AARD: variants seen among roughly 807,000 people sequenced by gnomAD.
AARD encodes the protein alanine and arginine rich domain containing protein.
AARD carries 9 observed loss-of-function variants against 9.3 expected under a neutral mutation model. The observed-to-expected ratio is 0.97, with a 90% CI of 0.58 to 1.69. The LOEUF (loss-of-function observed/expected upper bound fraction) is 1.69, where lower values mean the gene tolerates loss of function less well. Among genes scored for constraint, AARD ranks in the 40% most tolerant of loss-of-function variants. AARD has a pLI of 0.00. For missense variants in AARD, 236 were observed against 210.3 expected (o/e 1.12, Z -0.76); for synonymous variants, 91 against 93.8 (o/e 0.97, Z 0.17).
rs1813773847 is a variant in AARD at position 116,943,696 on chromosome 8, G to A, written c.*995G>A. The A allele has an allele frequency of 6.6e-6, 1 of 151,496 alleles. No homozygotes were observed. The highest frequency in any genetic ancestry group is 2.4e-5 in the African/African-American group (1 of 41,208). The allele number at this position is 151,496 out of a possible 1,614,324, so 9.4% of individuals were successfully genotyped here. ...AACGGAACCACTAAAAGCACAAAAG[G>A]GGAGGGAGGGAGGGAGGGTGCTTCG... On this transcript the variant is annotated 3_prime_UTR_variant, in exon 2 of 2. Transcript: ENST00000378279.
At position 116,943,282 on chromosome 8, in the gene AARD, C is replaced by G. The variant is rs552164581; in HGVS notation, c.*581C>G. The G allele has an allele frequency of 6.6e-6, 1 of 152,310 alleles. No homozygotes were observed. The highest frequency in any genetic ancestry group is 1.9e-4 in the East Asian group (1 of 5,180). 9.4% of individuals were successfully genotyped at this position (152,310 alleles called of 1,614,324 possible). A position where few individuals can be genotyped will look rare whatever the true frequency, so the allele number is the denominator to read the frequency against. ...TAAATCTCTCTCTGTCTCTCTCACT[C>G]AAAGAATGCTTTAATGCCAACTTTC... On this transcript the variant is annotated 3_prime_UTR_variant, in exon 2 of 2. Transcript: ENST00000378279.
In AARD at chr8:116,942,577, A is replaced by G; in HGVS notation, c.344A>G (p.Asn115Ser). 1 of 1,612,774 alleles carries G rather than the reference A, an allele frequency of 6.2e-7. No individual in the cohort carries two copies. The highest frequency in any genetic ancestry group is 1.1e-5 in the South Asian group (1 of 90,804). The change falls in exon 2 of 2, where the codon AAC becomes AGC. Residue 115 changes from asparagine to serine, a missense_variant. Coordinates refer to ENST00000378279, the MANE Select transcript of AARD (RefSeq NM_001025357.3). ...TTTTAGGTGGAAATGCATTTCCAAA[A>G]CCACCAGCTGGCTAGAACTTTACTG... ...RAELVEMHFQ[N>S]HQLARTLLDL...
In AARD at chr8:116,941,032, GTTAA is replaced by G. The variant is rs559492993; in HGVS notation, c.325-1507_325-1504del. 3.6e-3 allele frequency among the ~76,000 whole-genome samples: 551 copies of G among 152,192 alleles called. 2 individuals are homozygous for G. The highest frequency in any genetic ancestry group is 0.012 in the African/African-American group (518 of 41,502). The stretch of plus-strand genomic sequence containing the variant: ...GAAAGTACAGGACGGATATTCATCA[GTTAA>G]TTAATTAATTAATTAATTCACTCAC... On this transcript the variant is annotated intron_variant, in intron 1 of 1. Coordinates refer to ENST00000378279, the MANE Select transcript of AARD (RefSeq NM_001025357.3).
intron 1 of AARD, among the ~76,000 whole-genome samples, chr8:116,939,546 C>T (rs1452194802): frequency 2.6e-5 from 4 of 152,104 alleles, no homozygotes; most frequent in Non-Finnish European, 5.9e-5. Flanking sequence ...GCAGGAGAAT[C>T]GCTTGAACCT....
intron 1 of AARD, 50 bp downstream of exon 1, chr8:116,938,617 C>G: frequency 7.2e-7 from 1 of 1,384,750 alleles, no homozygotes; most frequent in Non-Finnish European, 9.3e-7. Context: ...TCTCCCGGGT[C>G]CTCTCCTCCA....
chr8:116,942,608 A>G lies in AARD; in HGVS notation c.375A>G (p.Leu125=), dbSNP rs763262644. ...NHQLARTLLD[L]NMKVQQLKKE... ...AGCTGGCTAGAACTTTACTGGACCT[A>G]AACATGAAAGTGCAGCAATTGAAAA... Residue 125 remains leucine (L), a synonymous_variant, in exon 2 of 2, where the codon CTA becomes CTG. Transcript: ENST00000378279. The G allele has an allele frequency of 2.5e-6, 4 of 1,613,922 alleles. No individual in the cohort carries two copies. The highest frequency in any genetic ancestry group is 3.4e-6 in the Non-Finnish European group (4 of 1,179,998).
Position 116,938,562 on chromosome 8 carries a change from G to C in AARD, c.319G>C (p.Glu107Gln). 7.0e-7 allele frequency: 1 copy of C among 1,420,924 alleles called. No homozygotes were observed. Among genetic ancestry groups the C allele is most frequent in the Non-Finnish European group, 9.1e-7 (1 of 1,098,630 alleles). The allele number at this position is 1,420,924 out of a possible 1,614,324, so 88.0% of individuals were successfully genotyped here. A position where few individuals can be genotyped will look rare whatever the true frequency, so the allele number is the denominator to read the frequency against. The stretch of plus-strand genomic sequence containing the variant: ...GGCCACCCTGGCCAGGCTGCGGGCG[G>C]AGCTGGTGAGAGAGCGGGCTAGGCG... Reference protein sequence around the residue: ...VEATLARLRAELVEMHFQNHQ... With the variant: ...VEATLARLRAQLVEMHFQNHQ... The change falls in exon 1 of 2, where the codon GAG becomes CAG. Residue 107 changes from glutamate (E) to glutamine (Q), a missense_variant. Physicochemically the swap from Glu to Gln is conservative, Grantham distance 29. Transcript: ENST00000378279.
intron 1 of AARD, among the ~76,000 whole-genome samples, chr8:116,941,972 A>G (rs977979853): frequency 6.6e-6 from 1 of 152,184 alleles, no homozygotes; most frequent in African/African-American, 2.4e-5. Context: ...ATAAACTCCC[A>G]TTGAAGGATG....
rs980571978 is a variant in AARD, at chr8:116,943,840, G to T, written c.*1139G>T. 1 of 152,146 alleles carries T rather than the reference G, an allele frequency of 6.6e-6. No individual in the cohort carries two copies. The highest frequency in any genetic ancestry group is 2.4e-5 in the African/African-American group (1 of 41,426). 9.4% of individuals were successfully genotyped at this position (152,146 alleles called of 1,614,324 possible). A position where few individuals can be genotyped will look rare whatever the true frequency, so the allele number is the denominator to read the frequency against. On this transcript the variant is annotated 3_prime_UTR_variant, in exon 2 of 2. Transcript: ENST00000378279. ...TTTTTGCCTAAGTAAATTCAAGCTG[G>T]AGTTTCATGACTTGTATCTAGTGTT...
In AARD at chr8:116,942,685, C is replaced by A. The variant is rs1813758973; in HGVS notation, c.452C>A (p.Ala151Asp). ...GACTCCCAAAGCCCAAAAGATGATGCTGCGAATCCGGAATAAAGAAATGCA... is the reference window on the plus strand; with the variant it reads ...GACTCCCAAAGCCCAAAAGATGATGATGCGAATCCGGAATAAAGAAATGCA... ...TSDSQSPKDD[A>D]ANPE The change falls in exon 2 of 2, where the codon GCT becomes GAT. Residue 151 changes from alanine (A) to aspartate (D), a missense_variant. Physicochemically the swap from Ala to Asp is moderately radical, Grantham distance 126. Transcript: ENST00000378279. 1 of 1,613,528 alleles carries A rather than the reference C, an allele frequency of 6.2e-7. No homozygotes were observed. Among genetic ancestry groups the A allele is most frequent in the Non-Finnish European group, 8.5e-7 (1 of 1,179,914 alleles).
chr8:116,940,195 C>T (rs1813728512), intron 1 of AARD, among the ~76,000 whole-genome samples: 1 of 152,092 alleles, frequency 6.6e-6, no homozygotes, highest in African/African-American at 2.4e-5. Context: ...ACTTTGGGAT[C>T]GTTACTTAGC....
In AARD at chr8:116,939,518, A is replaced by G. The variant is rs139838172; in HGVS notation, c.324+951A>G. On this transcript the variant is annotated intron_variant, in intron 1 of 1. Coordinates refer to ENST00000378279, the MANE Select transcript of AARD (RefSeq NM_001025357.3). ...ATGGTGGCTGGCACCTGTAATCCCAACTACTCCAGAGGCTGATGCAGGAGA... is the reference window on the plus strand; with the variant it reads ...ATGGTGGCTGGCACCTGTAATCCCAGCTACTCCAGAGGCTGATGCAGGAGA... Among the ~76,000 whole-genome samples, 457 of 152,156 alleles carry G rather than the reference A, an allele frequency of 3.0e-3. 1 individual carries two copies. Among genetic ancestry groups the G allele is most frequent in the African/African-American group, 0.011 (440 of 41,528 alleles).
At position 116,943,940 on chromosome 8, in the gene AARD, C is replaced by T. The variant is rs530040032; in HGVS notation, c.*1239C>T. Reference sequence around the variant, plus strand: ...TTGAATTGGACTATCTAACTGTACCCGAAAAGTGCTGTCTTTTTAATGCAA... The same window carrying T: ...TTGAATTGGACTATCTAACTGTACCTGAAAAGTGCTGTCTTTTTAATGCAA... On this transcript the variant is annotated 3_prime_UTR_variant, in exon 2 of 2. Coordinates refer to ENST00000378279, the MANE Select transcript of AARD (RefSeq NM_001025357.3). The T allele has an allele frequency of 2.4e-4, 36 of 151,826 alleles. No homozygotes were observed. Among genetic ancestry groups the T allele is most frequent in the African/African-American group, 6.8e-4 (28 of 41,340 alleles). 9.4% of individuals were successfully genotyped at this position (151,826 alleles called of 1,614,324 possible).
chr8:116,938,622 C>A (rs1328325255), intron 1 of AARD, 55 bp downstream of exon 1: 1 of 1,382,060 alleles, frequency 7.2e-7, no homozygotes, highest in Non-Finnish European at 9.3e-7. Context: ...CGGGTCCTCT[C>A]CTCCAGCTGC....
rs939683578 is a variant in AARD at position 116,938,492 on chromosome 8, G to A, written c.249G>A (p.Ala83=). 3 of 1,535,464 alleles carry A rather than the reference G, an allele frequency of 2.0e-6. No homozygotes were observed. Among genetic ancestry groups the A allele is most frequent in the South Asian group, 2.4e-5 (2 of 82,494 alleles). Residue 83 remains alanine (A), a synonymous_variant, in exon 1 of 2, where the codon GCG becomes GCA. Coordinates refer to ENST00000378279, the MANE Select transcript of AARD (RefSeq NM_001025357.3). ...RAISRRVQEA[A]AAAAAREEQS... ...TCTCGAGGCGCGTGCAGGAGGCGGC[G>A]GCGGCGGCGGCGGCGCGGGAGGAGC...
In AARD at chr8:116,938,577, C is replaced by A; in HGVS notation, c.324+10C>A. ...GCTGCGGGCGGAGCTGGTGAGAGAG[C>A]GGGCTAGGCGGACGGCTCCCAGGGC... On this transcript the variant is annotated intron_variant, in intron 1 of 1. Coordinates refer to ENST00000378279, the MANE Select transcript of AARD (RefSeq NM_001025357.3). 1 of 1,399,272 alleles carries A rather than the reference C, an allele frequency of 7.1e-7. No homozygotes were observed. The highest frequency in any genetic ancestry group is 9.2e-7 in the Non-Finnish European group (1 of 1,085,978). 86.7% of individuals were successfully genotyped at this position (1,399,272 alleles called of 1,614,324 possible).
chr8:116,940,602 C>G (rs978023262), intron 1 of AARD, among the ~76,000 whole-genome samples: 5 of 152,134 alleles, frequency 3.3e-5, no homozygotes, highest in Non-Finnish European at 1.5e-5. Flanking sequence ...TGGATTTTTA[C>G]AGGAACTGAC....
At chr8:116,938,777 T>C in intron 1 of AARD, 1 of 667,242 alleles carries the variant, frequency 1.5e-6, no homozygotes, top group Non-Finnish European at 2.3e-6. Flanking sequence ...CGGGGGTGCC[T>C]GGTCTACCAG....
chr8:116,939,615 T>C (rs1813722168), intron 1 of AARD, among the ~76,000 whole-genome samples: 1 of 152,142 alleles, frequency 6.6e-6, no homozygotes, highest in African/African-American at 2.4e-5. Context: ...CTGGGAGACA[T>C]GAGTGAAACA....
Sources: gnomAD v4.1 joint callset for allele counts (sites outside exome capture counted in the v4.1 genomes callset) on GRCh38, gnomAD v4.1.1 for gene constraint, MANE v1.5 for transcripts, NCBI Gene and HGNC (gene_info 2026-07-23, HGNC 2026-07-21) for gene names.